Variants in SCHIP1 observed in about 807,000 individuals in gnomAD.
The protein encoded by SCHIP1 is schwannomin interacting protein 1.
SCHIP1 carries 8 observed loss-of-function variants against 29.7 expected under a neutral mutation model. The ratio of observed to expected loss-of-function variants is 0.27; its 90% CI spans 0.16 to 0.49. SCHIP1 has a LOEUF of 0.49. SCHIP1 is among the 20% of genes least tolerant of loss of function. SCHIP1 has a pLI of 0.99. For synonymous variants in SCHIP1, 76 were observed against 94.9 expected (o/e 0.80, Z 1.16); for missense variants, 193 against 294.6 (o/e 0.66, Z 2.52).
intron 1 of SCHIP1, among the ~76,000 whole-genome samples, chr3:159,862,613 T>G (rs1020911129): frequency 6.6e-6 from 1 of 152,146 alleles, no homozygotes; most frequent in Non-Finnish European, 1.5e-5. Flanking sequence ...TACATAACAT[T>G]TACAGTTGAA....
chr3:159,712,466 C>G, the SCHIP1 span, among the ~76,000 whole-genome samples: 134 of 152,096 alleles, frequency 8.8e-4, no homozygotes, highest in African/African-American at 3.0e-3. Flanking sequence ...CCTGTAATCC[C>G]AACAGTTTGG....
the SCHIP1 span, among the ~76,000 whole-genome samples, chr3:159,767,499 T>C: frequency 6.6e-6 from 1 of 152,218 alleles, no homozygotes; most frequent in Admixed American, 6.5e-5. Context: ...AGAGAAGGCC[T>C]GCCTTGAAGG....
chr3:159,540,234 AAG>A, the SCHIP1 span, among the ~76,000 whole-genome samples: 3 of 152,086 alleles, frequency 2.0e-5, no homozygotes, highest in Admixed American at 2.0e-4. Context: ...TTTTTTAAAA[AAG>A]AGTTATTTAT....
the SCHIP1 span, among the ~76,000 whole-genome samples, chr3:159,803,000 G>A: frequency 6.6e-6 from 1 of 152,208 alleles, no homozygotes; most frequent in Non-Finnish European, 1.5e-5. Context: ...AAGGGAAGAA[G>A]AAGAACACAT....
the SCHIP1 span, among the ~76,000 whole-genome samples, chr3:159,368,553 G>A: frequency 0.027 from 4,044 of 152,280 alleles, 177 homozygotes; most frequent in African/African-American, 0.092. Context: ...AATTAAAATG[G>A]TGGTACTAGA....
At chr3:159,443,517 CCT>C in the SCHIP1 span, among the ~76,000 whole-genome samples, 1 of 152,174 alleles carries the variant, frequency 6.6e-6, no homozygotes, top group Admixed American at 6.5e-5. Flanking sequence ...GAACTTATTC[CCT>C]TTTTTTTTGA....
At chr3:159,357,250 G>C in the SCHIP1 span, among the ~76,000 whole-genome samples, 1 of 152,186 alleles carries the variant, frequency 6.6e-6, no homozygotes, top group African/African-American at 2.4e-5. Flanking sequence ...CTAAGTTCAG[G>C]AGAGAGACCC....
chr3:159,420,648 CA>C, the SCHIP1 span, among the ~76,000 whole-genome samples: 1 of 152,176 alleles, frequency 6.6e-6, no homozygotes, highest in Non-Finnish European at 1.5e-5. Flanking sequence ...TCTCAAAAGA[CA>C]ATTTGTCCTG....
the SCHIP1 span, among the ~76,000 whole-genome samples, chr3:159,617,884 C>G: frequency 6.6e-6 from 1 of 152,166 alleles, no homozygotes; most frequent in Non-Finnish European, 1.5e-5. Flanking sequence ...GAAACTTGAC[C>G]TTCATCCCTA....
chr3:159,680,697 AATATATATT>A, the SCHIP1 span, among the ~76,000 whole-genome samples: 1 of 6,594 alleles, frequency 1.5e-4, no homozygotes, highest in Non-Finnish European at 4.0e-4. Context: ...GTATATATAT[AATATATATT>A]ATATATAATA....
the SCHIP1 span, among the ~76,000 whole-genome samples, chr3:159,463,741 G>GACAT: frequency 6.7e-6 from 1 of 149,438 alleles, no homozygotes; most frequent in Non-Finnish European, 1.5e-5. Flanking sequence ...AACAGAATGA[G>GACAT]ATATATATAT....
intron 1 of SCHIP1, chr3:159,853,241 C>T (rs895904064): frequency 5.9e-6 from 3 of 509,792 alleles, no homozygotes; most frequent in African/African-American, 4.0e-5. Context: ...GGGGCAAGAA[C>T]ACACACGGCC....
the SCHIP1 span, among the ~76,000 whole-genome samples, chr3:159,280,303 C>G: frequency 6.6e-6 from 1 of 152,168 alleles, no homozygotes; most frequent in Non-Finnish European, 1.5e-5. Context: ...TGTGTTTCCA[C>G]CACTTTCACT....
the SCHIP1 span, among the ~76,000 whole-genome samples, chr3:159,525,674 T>A: frequency 8.5e-5 from 13 of 152,210 alleles, no homozygotes; most frequent in Non-Finnish European, 1.5e-4. Flanking sequence ...TGCATCATTA[T>A]ATACCATTTG....
the SCHIP1 span, among the ~76,000 whole-genome samples, chr3:159,755,544 C>G: frequency 3.4e-3 from 518 of 152,266 alleles, 5 homozygotes; most frequent in African/African-American, 0.012. Flanking sequence ...GGACACAGAA[C>G]CAAACAATAT....
the SCHIP1 span, among the ~76,000 whole-genome samples, chr3:159,423,644 A>G: frequency 6.6e-6 from 1 of 152,164 alleles, no homozygotes; most frequent in Non-Finnish European, 1.5e-5. Context: ...CAGACAAACA[A>G]AAAGACAGCA....
the SCHIP1 span, among the ~76,000 whole-genome samples, chr3:159,699,590 G>C: frequency 1.2e-3 from 189 of 152,344 alleles, no homozygotes; most frequent in African/African-American, 4.5e-3. Flanking sequence ...GCTGTGGGAA[G>C]TATCACATCC....
At chr3:159,633,428 G>A in the SCHIP1 span, among the ~76,000 whole-genome samples, 11 of 152,138 alleles carry the variant, frequency 7.2e-5, no homozygotes, top group African/African-American at 2.2e-4. Flanking sequence ...GGGAGAGAGA[G>A]AAAGGGCCCC....
At chr3:159,637,371 C>CCA in the SCHIP1 span, among the ~76,000 whole-genome samples, 14,786 of 134,430 alleles carry the variant, frequency 0.11, 931 homozygotes, top group Admixed American at 0.17. Context: ...CCGGCCCCAG[C>CCA]CACACACACA....
Sources: gnomAD v4.1 joint callset for allele counts (sites outside exome capture counted in the v4.1 genomes callset) on GRCh38, gnomAD v4.1.1 for gene constraint, MANE v1.5 for transcripts, NCBI Gene and HGNC (gene_info 2026-07-23, HGNC 2026-07-21) for gene names.